Variants in LOC112267897 observed in about 807,000 individuals in gnomAD.
the LOC112267897 span, chr13:63,746,796 A>G: frequency 2.8e-6 from 3 of 1,068,284 alleles, no homozygotes; most frequent in Non-Finnish European, 3.6e-6. Flanking sequence ...TCTCCTCTTG[A>G]CAACATGTGT....
At chr13:63,747,195 T>C in the LOC112267897 span, 148 of 1,523,798 alleles carry the variant, frequency 9.7e-5, 3 homozygotes, top group Middle Eastern at 1.2e-3. Flanking sequence ...TGCTAAAACA[T>C]CACTGTCAGA....
chr13:63,746,996 A>ACTGGCTACAGCTGTGGCTATGGCT, the LOC112267897 span: 2 of 1,478,430 alleles, frequency 1.4e-6, no homozygotes, highest in Non-Finnish European at 9.4e-7. Context: ...TGGCTATGGA[A>ACTGGCTACAGCTGTGGCTATGGCT]CTGGCTACAG....
At chr13:63,746,853 G>GTGGCTATGGCTCTGGTTA in the LOC112267897 span, 39 of 1,406,466 alleles carry the variant, frequency 2.8e-5, no homozygotes, top group African/African-American at 5.5e-4. Flanking sequence ...AGCTATGGCT[G>GTGGCTATGGCTCTGGTTA]TGGCTATGGC....
chr13:63,747,033 G>A, the LOC112267897 span: 2 of 1,589,296 alleles, frequency 1.3e-6, no homozygotes, highest in Non-Finnish European at 1.7e-6. Flanking sequence ...GGCTACAGCT[G>A]TGGCTATGGC....
the LOC112267897 span, chr13:63,748,145 A>G: frequency 2.9e-5 from 1 of 34,986 alleles, no homozygotes; most frequent in Non-Finnish European, 5.1e-5. Flanking sequence ...TCAACTGCCT[A>G]ATGAAACAGC....
chr13:63,746,817 A>G, the LOC112267897 span: 7 of 497,816 alleles, frequency 1.4e-5, no homozygotes, highest in East Asian at 1.1e-3. Flanking sequence ...TGCAACTACT[A>G]CGGCAACTCC....
chr13:63,746,917 C>A, the LOC112267897 span: 2 of 1,457,860 alleles, frequency 1.4e-6, no homozygotes, highest in Non-Finnish European at 1.9e-6. Flanking sequence ...ATGGAACTGG[C>A]TACAGCTGTG....
chr13:63,747,124 T>C, the LOC112267897 span: 1 of 1,595,658 alleles, frequency 6.3e-7, no homozygotes, highest in East Asian at 2.2e-5. Flanking sequence ...GCTGTGGATG[T>C]GGCTCTGGCT....
At chr13:63,747,260 A>G in the LOC112267897 span, 14 of 1,015,106 alleles carry the variant, frequency 1.4e-5, no homozygotes, top group Non-Finnish European at 1.9e-5. Flanking sequence ...TCAAGGATTC[A>G]TACTCCAAGA....
the LOC112267897 span, chr13:63,747,201 T>C: frequency 1.1e-5 from 17 of 1,501,178 alleles, no homozygotes; most frequent in African/African-American, 2.0e-4. Flanking sequence ...AACATCACTG[T>C]CAGAGGACAA....
the LOC112267897 span, chr13:63,746,929 CTATGGCTGTGGCTATGGCTCTGGT>C: frequency 7.5e-5 from 109 of 1,454,482 alleles, 1 homozygote; most frequent in South Asian, 1.1e-3. Flanking sequence ...ACAGCTGTGG[CTATGGCTGTGGCTATGGCTCTGGT>C]TATGGCTGTG....
the LOC112267897 span, chr13:63,746,986 T>G: frequency 6.9e-7 from 1 of 1,455,024 alleles, no homozygotes; most frequent in Non-Finnish European, 9.6e-7. Context: ...GCTATGGCTG[T>G]GGCTATGGAA....
the LOC112267897 span, chr13:63,746,935 C>G: frequency 6.9e-7 from 1 of 1,444,328 alleles, no homozygotes; most frequent in Admixed American, 1.7e-5. Context: ...GTGGCTATGG[C>G]TGTGGCTATG....
At chr13:63,747,099 A>T in the LOC112267897 span, 1 of 1,603,682 alleles carries the variant, frequency 6.2e-7, no homozygotes, top group Non-Finnish European at 8.5e-7. Flanking sequence ...GGCTGTGGTT[A>T]TGGAACTGGC....
chr13:63,747,338 AATC>A, the LOC112267897 span: 1 of 550,542 alleles, frequency 1.8e-6, no homozygotes, highest in East Asian at 3.0e-5. Context: ...CTTTGAATGA[AATC>A]ATGGCCATAG....
chr13:63,747,514 A>G, the LOC112267897 span: 4 of 193,770 alleles, frequency 2.1e-5, no homozygotes, highest in African/African-American at 1.0e-4. Context: ...GTTTTAGTAC[A>G]AAAGAGTCAA....
the LOC112267897 span, chr13:63,747,052 T>C: frequency 1.2e-5 from 19 of 1,601,610 alleles, no homozygotes; most frequent in African/African-American, 2.1e-4. Context: ...GCTCTGGCTC[T>C]GGCTGTGGCT....
At chr13:63,746,913 C>A in the LOC112267897 span, 2 of 1,441,308 alleles carry the variant, frequency 1.4e-6, no homozygotes, top group Middle Eastern at 1.7e-4. Context: ...GGCTATGGAA[C>A]TGGCTACAGC....
At chr13:63,747,799 A>T in the LOC112267897 span, 1 of 129,956 alleles carries the variant, frequency 7.7e-6, no homozygotes, top group Non-Finnish European at 1.5e-5. Context: ...TATTATTATT[A>T]TTTTATACTG....
Sources: gnomAD v4.1 joint callset for allele counts on GRCh38, gnomAD v4.1.1 for gene constraint, MANE v1.5 for transcripts.